The following P2RY12 variants were observed in gnomAD, a reference collection of about 807,000 sequenced individuals.
P2RY12 encodes purinergic receptor P2Y12, also known as P2Y purinoceptor 12.
Under a neutral mutation model 4.5 loss-of-function variants are expected in P2RY12, and 3 were observed. The ratio of observed to expected loss-of-function variants is 0.67; its 90% CI spans 0.31 to 1.74. The LOEUF is 1.74. Ranked by LOEUF, P2RY12 falls within the 40% of genes most tolerant of loss-of-function variation. The pLI, the probability that P2RY12 is intolerant of heterozygous loss-of-function variation, is 0.09. For missense variants in P2RY12, 356 were observed against 407.8 expected (o/e 0.87, Z 1.09); for synonymous variants, 148 against 154.1 (o/e 0.96, Z 0.29).
intron 1 of P2RY12, chr3:151,384,023 C>A: frequency 1.9e-6 from 3 of 1,546,986 alleles, no homozygotes; most frequent in East Asian, 2.3e-5. Context: ...TAAAAATACT[C>A]AGTTAAATAA....
chr3:151,367,506 G>A (rs984870661), intron 1 of P2RY12: 6 of 655,534 alleles, frequency 9.2e-6, no homozygotes, highest in East Asian at 5.8e-5. Context: ...TAATCATCAT[G>A]ATATGTTATC....
At chr3:151,349,814 C>T (rs542328081) in intron 1 of P2RY12, among the ~76,000 whole-genome samples, 2 of 150,762 alleles carry the variant, frequency 1.3e-5, no homozygotes, top group East Asian at 2.0e-4. Flanking sequence ...GGTACGCCCA[C>T]ATCAAGTGCT....
At chr3:151,345,717 C>T (rs1752458110) in intron 1 of P2RY12, among the ~76,000 whole-genome samples, 1 of 151,916 alleles carries the variant, frequency 6.6e-6, no homozygotes, top group South Asian at 2.1e-4. Context: ...GGAGTTTTCC[C>T]ATGTTGGCCA....
At position 151,338,246 on chromosome 3, in the gene P2RY12, A is replaced by C. The variant is rs943960274; in HGVS notation, c.600T>G (p.Ile200Met). ...AACATACAATAACAATTAAGAAATT[A>C]ATCCAGAAAATGACTTGACAGATGT... ...VNYICQVIFW[I>M]NFLIVIVCYT... Residue 200 changes from isoleucine (I) to methionine (M), a missense_variant, in exon 3 of 3, where the codon ATT becomes ATG. Coordinates refer to ENST00000302632, the MANE Select transcript of P2RY12 (RefSeq NM_022788.5). 1.8e-5 allele frequency: 29 copies of C among 1,613,964 alleles called. No homozygotes were observed. Among genetic ancestry groups the C allele is most frequent in the Non-Finnish European group, 2.5e-5 (29 of 1,179,960 alleles).
At chr3:151,349,448 A>G (rs892691391) in intron 1 of P2RY12, among the ~76,000 whole-genome samples, 7 of 152,198 alleles carry the variant, frequency 4.6e-5, no homozygotes, top group African/African-American at 1.4e-4. Flanking sequence ...TTGGAAATAA[A>G]TGGAATATAT....
At chr3:151,357,227 G>C in intron 1 of P2RY12, 1 of 1,606,804 alleles carries the variant, frequency 6.2e-7, no homozygotes, top group East Asian at 2.2e-5. Context: ...TAAATGAACT[G>C]AGTGTTGTGG....
intron 1 of P2RY12, among the ~76,000 whole-genome samples, chr3:151,358,054 A>G (rs1754141605): frequency 6.6e-6 from 1 of 152,040 alleles, no homozygotes; most frequent in Non-Finnish European, 1.5e-5. Context: ...CTTTCTCTTC[A>G]GTTTTTCCTT....
chr3:151,357,235 T>G, intron 1 of P2RY12: 1 of 1,610,674 alleles, frequency 6.2e-7, no homozygotes, highest in Non-Finnish European at 8.5e-7. Flanking sequence ...CTGAGTGTTG[T>G]GGAAGCTGAA....
chr3:151,375,861 A>C (rs1343785303), intron 1 of P2RY12, among the ~76,000 whole-genome samples: 1 of 152,070 alleles, frequency 6.6e-6, no homozygotes, highest in Non-Finnish European at 1.5e-5. Context: ...AAATGCTAAA[A>C]ATTTTGTTTT....
intron 1 of P2RY12, among the ~76,000 whole-genome samples, chr3:151,370,586 T>C (rs779569645): frequency 4.6e-5 from 7 of 152,178 alleles, no homozygotes; most frequent in Non-Finnish European, 1.0e-4. Context: ...TAGGCGCTTA[T>C]AGATTTATAC....
intron 1 of P2RY12, among the ~76,000 whole-genome samples, chr3:151,368,720 A>T (rs1755761157): frequency 2.1e-5 from 1 of 48,428 alleles, no homozygotes; most frequent in African/African-American, 6.8e-5. Flanking sequence ...ATTTCATTTC[A>T]TTTCATTTCA....
chr3:151,337,770 C>T lies in P2RY12; in HGVS notation c.*47G>A, dbSNP rs765978428. 7.6e-6 allele frequency: 12 copies of T among 1,582,258 alleles called. No individual in the cohort carries two copies. The highest frequency in any genetic ancestry group is 2.2e-5 in the East Asian group (1 of 44,720). ...ATTTTTACTTAGCGCTTTGCTTTAA[C>T]GAGTTCTGAACACAAAGAGATTGAA... On this transcript the variant is annotated 3_prime_UTR_variant, in exon 3 of 3. Coordinates refer to ENST00000302632, the MANE Select transcript of P2RY12 (RefSeq NM_022788.5).
chr3:151,337,925 A>T lies in P2RY12; in HGVS notation c.921T>A (p.Asn307Lys), dbSNP rs929420354. 6.2e-7 allele frequency: 1 copy of T among 1,614,110 alleles called. No individual in the cohort carries two copies. The highest frequency in any genetic ancestry group is 1.7e-5 in the Admixed American group (1 of 60,006). Residue 307 changes from asparagine (N) to lysine (K), a missense_variant, in exon 3 of 3, where the codon AAT (asparagine) becomes AAA (lysine). Asn to Lys is a moderately conservative substitution (Grantham distance 94, BLOSUM62 0). Coordinates refer to ENST00000302632, the MANE Select transcript of P2RY12 (RefSeq NM_022788.5). ...IYFFLCKSFR[N>K]SLISMLKCPN... ...GGCACTTCAGCATACTTATCAAGGA[A>T]TTTCTGAAGGACTTGCAAAGGAAAA...
intron 1 of P2RY12, chr3:151,384,074 C>A (rs1712889479): frequency 6.2e-7 from 1 of 1,607,802 alleles, no homozygotes. Flanking sequence ...TAATTATTTT[C>A]TTTCTTAGTG....
At chr3:151,366,826 A>G (rs1461568112) in intron 1 of P2RY12, among the ~76,000 whole-genome samples, 1 of 152,110 alleles carries the variant, frequency 6.6e-6, no homozygotes, top group East Asian at 1.9e-4. Flanking sequence ...GAAGAGACTT[A>G]AATTTTTATC....
At chr3:151,355,108 T>G in intron 1 of P2RY12, 1 of 1,590,854 alleles carries the variant, frequency 6.3e-7, no homozygotes. Flanking sequence ...GGATCTGCTT[T>G]ATGTTTATGT....
At chr3:151,380,415 G>T (rs1560103820) in intron 1 of P2RY12, among the ~76,000 whole-genome samples, 1 of 152,036 alleles carries the variant, frequency 6.6e-6, no homozygotes, top group Non-Finnish European at 1.5e-5. Flanking sequence ...TGGCCAACAT[G>T]GTGAAACCCC....
At chr3:151,354,605 G>A (rs1237532757) in intron 1 of P2RY12, among the ~76,000 whole-genome samples, 2 of 152,116 alleles carry the variant, frequency 1.3e-5, no homozygotes, top group Non-Finnish European at 2.9e-5. Context: ...TTTAAAAGTT[G>A]TTTAGTGAGA....
intron 1 of P2RY12, among the ~76,000 whole-genome samples, chr3:151,363,888 T>C (rs1419856501): frequency 6.6e-6 from 1 of 152,184 alleles, no homozygotes; most frequent in African/African-American, 2.4e-5. Context: ...ACAATCTCTG[T>C]TTTCTTAAAG....
Sources: allele counts gnomAD v4.1 joint callset (sites outside exome capture counted in the v4.1 genomes callset), GRCh38; gene constraint gnomAD v4.1.1; transcripts MANE v1.5; gene names NCBI Gene and HGNC (gene_info 2026-07-23, HGNC 2026-07-21).